KCNH7: variants seen among roughly 807,000 people sequenced by gnomAD.
KCNH7 encodes the protein potassium voltage-gated channel subfamily H member 7, also known as voltage-gated inwardly rectifying potassium channel KCNH7.
A neutral mutation model predicts 120.8 loss-of-function variants in KCNH7; 49 were observed. The observed-to-expected ratio is 0.41, with a 90% CI of 0.32 to 0.51. KCNH7 has a LOEUF of 0.51. Ranked by LOEUF, KCNH7 falls within the 20% of genes least tolerant of loss-of-function variation. KCNH7 has a pLI of 0.38. For synonymous variants in KCNH7, 547 were observed against 516.1 expected, an observed-to-expected ratio of 1.06 and a Z score of -0.81; for missense variants, 1,097 against 1,446.6, an observed-to-expected ratio of 0.76 and a Z score of 3.92.
chr2:162,537,162 C>G lies in KCNH7; in HGVS notation c.308-82G>C, dbSNP rs77598638. The G allele has an allele frequency of 2.0e-4, 221 of 1,083,022 alleles. 2 individuals carry two copies. The African/African-American group carries it at 3.3e-3, about 16-fold the overall frequency. The allele number at this position is 1,083,022 out of a possible 1,614,324, so 67.1% of individuals were successfully genotyped here. A position where few individuals can be genotyped will look rare whatever the true frequency, so the allele number is the denominator to read the frequency against. ...AGTAACATTAAAATTGAAATATACTCTTAAGGAAATTTGTATCTTAAATGA... is the reference window on the plus strand; with the variant it reads ...AGTAACATTAAAATTGAAATATACTGTTAAGGAAATTTGTATCTTAAATGA... On this transcript the variant is annotated intron_variant, in intron 2 of 15. Coordinates refer to ENST00000332142, the MANE Select transcript of KCNH7 (RefSeq NM_033272.4).
intron 8 of KCNH7, among the ~76,000 whole-genome samples, chr2:162,434,915 G>A (rs1222909898): frequency 6.6e-6 from 1 of 151,962 alleles, no homozygotes; most frequent in African/African-American, 2.4e-5. Flanking sequence ...ATAAATTACA[G>A]ATACTCTTTG....
In KCNH7 at chr2:162,696,303, T is replaced by C. The variant is rs1410369867; in HGVS notation, c.307+140234A>G. On this transcript the variant is annotated intron_variant, in intron 2 of 15. Coordinates refer to ENST00000332142, the MANE Select transcript of KCNH7 (RefSeq NM_033272.4). The stretch of plus-strand genomic sequence containing the variant: ...AAAAATATTTTATGAATGTTTTTAG[T>C]AATTATGTTGGAAATAGGATAAGTA... 3.3e-5 allele frequency among the ~76,000 whole-genome samples: 5 copies of C among 152,314 alleles called. No individual in the cohort carries two copies. The East Asian group carries it at 9.6e-4, about 29-fold the overall frequency.
chr2:162,764,768 C>T (rs1682715555), intron 2 of KCNH7, among the ~76,000 whole-genome samples: 1 of 152,102 alleles, frequency 6.6e-6, no homozygotes, highest in African/African-American at 2.4e-5. Context: ...TAAGCAGATG[C>T]AGTTTCAACT....
intron 2 of KCNH7, among the ~76,000 whole-genome samples, chr2:162,567,319 A>G (rs541776140): frequency 1.3e-5 from 2 of 152,160 alleles, no homozygotes; most frequent in Non-Finnish European, 2.9e-5. Flanking sequence ...CCTTCCTTTC[A>G]GAAAATAACA....
chr2:162,438,972 T>C (rs1227319913), intron 7 of KCNH7, among the ~76,000 whole-genome samples: 1 of 152,132 alleles, frequency 6.6e-6, no homozygotes, highest in East Asian at 1.9e-4. Flanking sequence ...AGCCCCATTG[T>C]TTAGTTTAAT....
intron 2 of KCNH7, among the ~76,000 whole-genome samples, chr2:162,815,033 C>T (rs912074055): frequency 6.6e-6 from 1 of 152,108 alleles, no homozygotes; most frequent in East Asian, 1.9e-4. Flanking sequence ...TTGTCTGTTA[C>T]TTTGCCTCCC....
intron 2 of KCNH7, among the ~76,000 whole-genome samples, chr2:162,829,561 T>C (rs1012904957): frequency 1.3e-5 from 2 of 152,070 alleles, no homozygotes; most frequent in Non-Finnish European, 1.5e-5. Context: ...TGGTAAGTCA[T>C]TGGTGGGGTA....
intron 2 of KCNH7, among the ~76,000 whole-genome samples, chr2:162,739,220 T>C (rs1688027926): frequency 6.6e-6 from 1 of 152,158 alleles, no homozygotes; most frequent in Admixed American, 6.5e-5. Context: ...GTTCTACTCT[T>C]ACTCTAACTT....
chr2:162,386,753 T>C (rs1424640114), intron 12 of KCNH7, among the ~76,000 whole-genome samples: 1 of 151,824 alleles, frequency 6.6e-6, no homozygotes, highest in Non-Finnish European at 1.5e-5. Context: ...TAATAAACCA[T>C]TTTGTATCTT....
intron 2 of KCNH7, among the ~76,000 whole-genome samples, chr2:162,541,182 G>A (rs750242126): frequency 2.6e-5 from 4 of 152,058 alleles, no homozygotes; most frequent in Non-Finnish European, 5.9e-5. Flanking sequence ...GGATCCAGGA[G>A]ACTGAAGTTA....
At chr2:162,626,014 A>G (rs1683542311) in intron 2 of KCNH7, among the ~76,000 whole-genome samples, 1 of 152,186 alleles carries the variant, frequency 6.6e-6, no homozygotes, top group African/African-American at 2.4e-5. Flanking sequence ...AGGGGCAGCT[A>G]GTTAAATTAT....
chr2:162,400,668 T>C (rs1687041712), intron 9 of KCNH7, among the ~76,000 whole-genome samples: 1 of 151,950 alleles, frequency 6.6e-6, no homozygotes, highest in East Asian at 1.9e-4. Flanking sequence ...TCAGACTCAA[T>C]ACAAATGCTG....
chr2:162,411,132 A>C (rs1687379787), intron 9 of KCNH7, among the ~76,000 whole-genome samples: 1 of 152,124 alleles, frequency 6.6e-6, no homozygotes, highest in African/African-American at 2.4e-5. Context: ...AAATTATTCT[A>C]CCAAAAGGAC....
At chr2:162,613,220 A>C (rs1333226975) in intron 2 of KCNH7, among the ~76,000 whole-genome samples, 1 of 151,992 alleles carries the variant, frequency 6.6e-6, no homozygotes, top group Non-Finnish European at 1.5e-5. Flanking sequence ...GAATATTTCA[A>C]TAGCAGCCTG....
chr2:162,803,132 T>C (rs1684407218), intron 2 of KCNH7, among the ~76,000 whole-genome samples: 1 of 151,778 alleles, frequency 6.6e-6, no homozygotes, highest in Non-Finnish European at 1.5e-5. Context: ...CAATCACCAG[T>C]GAGATCGCCA....
Position 162,372,100 on chromosome 2 carries a change from T to C in KCNH7, c.3325-5A>G, listed in dbSNP as rs780271971. 6.2e-7 allele frequency: 1 copy of C among 1,603,088 alleles called. No individual in the cohort carries two copies. The highest frequency in any genetic ancestry group is 2.2e-5 in the East Asian group (1 of 44,644). On this transcript the variant is annotated splice_polypyrimidine_tract_variant and splice_region_variant and intron_variant, in intron 15 of 15. Transcript: ENST00000332142. ...AAGGTCTAGAAATTCAGGACACTGA[T>C]GGAAAAAGAACAAAACAAGTTTTTA...
intron 9 of KCNH7, among the ~76,000 whole-genome samples, chr2:162,407,037 T>C (rs1687248471): frequency 6.6e-6 from 1 of 152,068 alleles, no homozygotes; most frequent in Non-Finnish European, 1.5e-5. Context: ...ATCTAATTTC[T>C]TATTTTACTT....
At chr2:162,650,703 T>C (rs1006688062) in intron 2 of KCNH7, among the ~76,000 whole-genome samples, 2 of 146,178 alleles carry the variant, frequency 1.4e-5, no homozygotes, top group South Asian at 2.1e-4. Flanking sequence ...TTTCATCCCA[T>C]CAGCATGACT....
intron 6 of KCNH7, among the ~76,000 whole-genome samples, chr2:162,454,239 T>G (rs925264958): frequency 6.6e-6 from 1 of 152,098 alleles, no homozygotes; most frequent in African/African-American, 2.4e-5. Context: ...TTGGTCAGGT[T>G]TGTCGAATAT....
Sources: gnomAD v4.1 joint callset for allele counts (sites outside exome capture counted in the v4.1 genomes callset) on GRCh38, gnomAD v4.1.1 for gene constraint, MANE v1.5 for transcripts, NCBI Gene and HGNC (gene_info 2026-07-23, HGNC 2026-07-21) for gene names.